ITPR1: variants seen among roughly 807,000 people sequenced by gnomAD.
The protein encoded by ITPR1 is inositol 1,4,5-trisphosphate-gated calcium channel ITPR1.
A neutral mutation model predicts 318.4 loss-of-function variants in ITPR1; 96 were observed. The ratio of observed to expected loss-of-function variants is 0.30; its 90% CI spans 0.26 to 0.36. The LOEUF (loss-of-function observed/expected upper bound fraction) is 0.36. Ranked by LOEUF, ITPR1 falls within the 10% of genes least tolerant of loss-of-function variation. The probability of loss-of-function intolerance (pLI) is 1.00; values close to 1 mark genes in which losing one functional copy is unlikely to be tolerated. For synonymous variants in ITPR1, 1,312 were observed against 1,289.9 expected, an observed-to-expected ratio of 1.02 and a Z score of -0.37; for missense variants, 2,440 against 3,460.2, an observed-to-expected ratio of 0.71 and a Z score of 7.40.
chr3:4,657,469 AT>A lies in ITPR1; in HGVS notation c.997-639del, dbSNP rs61012467. Among the ~76,000 whole-genome samples, 678 of 127,120 alleles carry A rather than the reference AT, an allele frequency of 5.3e-3. 1 individual carries two copies. Among genetic ancestry groups the A allele is most frequent in the African/African-American group, 7.6e-3 (248 of 32,624 alleles). The allele number at this position is 127,120 out of a possible 152,430, so 83.4% of individuals were successfully genotyped here. On this transcript the variant is annotated intron_variant, in intron 12 of 61. Coordinates refer to ENST00000649015, the MANE Select transcript of ITPR1 (RefSeq NM_001378452.1). ...TAGTGTAACTGCACGTTTTTGAAAG[AT>A]TTTTTTTTTTTTTTTGAGACAGAGT...
At position 4,675,147 on chromosome 3, in the gene ITPR1, T is replaced by C; in HGVS notation, c.2678T>C (p.Leu893Pro). 6.2e-7 allele frequency: 1 copy of C among 1,609,772 alleles called. No homozygotes were observed. The highest frequency in any genetic ancestry group is 8.5e-7 in the Non-Finnish European group (1 of 1,176,258). The change falls in exon 23 of 62, where the codon CTG becomes CCG. Residue 893 changes from leucine to proline, a missense_variant. Leu to Pro is a moderately conservative substitution (Grantham distance 98). Transcript: ENST00000649015. The part of the protein sequence containing the change: ...SDLLRLTKIL[L>P]AILDCVHVTT... ...CTTCTACGATTAACTAAGATCCTTCTGGCCATATTGGACTGTGTACATGTG... is the reference window on the plus strand; with the variant it reads ...CTTCTACGATTAACTAAGATCCTTCCGGCCATATTGGACTGTGTACATGTG...
Position 4,733,203 on chromosome 3 carries a change from G to T in ITPR1, c.5336G>T (p.Gly1779Val), listed in dbSNP as rs749571656. 128 of 1,613,860 alleles carry T rather than the reference G, an allele frequency of 7.9e-5. No homozygotes were observed. The highest frequency in any genetic ancestry group is 1.1e-4 in the Non-Finnish European group (126 of 1,179,868). ...GGCCCACTGTCAGCAGGAGGACCCGGCAAGCCCGGGGGAGGAGGTACGCTT... is the reference window on the plus strand; with the variant it reads ...GGCCCACTGTCAGCAGGAGGACCCGTCAAGCCCGGGGGAGGAGGTACGCTT... ...GNGPLSAGGP[G>V]KPGGGGGGSG... The change falls in exon 43 of 62, where the codon GGC becomes GTC. Residue 1779 changes from glycine (G) to valine (V), a missense_variant. Physicochemically the swap from Gly to Val is moderately radical, Grantham distance 109. This residue lies in a region of ITPR1 where 166 missense variants were observed against 143.7 expected (regional missense o/e 1.16). Coordinates refer to ENST00000649015, the MANE Select transcript of ITPR1 (RefSeq NM_001378452.1).
intron 4 of ITPR1, among the ~76,000 whole-genome samples, chr3:4,579,724 A>G (rs537736945): frequency 1.2e-3 from 190 of 152,268 alleles, no homozygotes; most frequent in African/African-American, 4.4e-3. Flanking sequence ...AGAATTGAAA[A>G]TTGGCATTAT....
At chr3:4,637,638 C>A (rs538941382) in intron 5 of ITPR1, among the ~76,000 whole-genome samples, 5 of 152,276 alleles carry the variant, frequency 3.3e-5, no homozygotes, top group African/African-American at 1.2e-4. Context: ...TTTGAATGGG[C>A]TGTTGTTTTA....
chr3:4,765,721 C>T lies in ITPR1; in HGVS notation c.5545-809C>T, dbSNP rs567595956. 1.8e-4 allele frequency among the ~76,000 whole-genome samples: 28 copies of T among 151,936 alleles called. No homozygotes were observed. The South Asian group carries it at 5.0e-3, about 27-fold the overall frequency. On this transcript the variant is annotated intron_variant, in intron 44 of 61. Coordinates refer to ENST00000649015, the MANE Select transcript of ITPR1 (RefSeq NM_001378452.1). ...TTTTTATGTAAATAATTTACAACAG[C>T]GTGGTGTTTGCAAAGGGGTGAAAAG...
At chr3:4,814,872 C>T in intron 58 of ITPR1, 181 bp from the exon 59 acceptor site, 2 of 629,718 alleles carry the variant, frequency 3.2e-6, no homozygotes. Flanking sequence ...TCACACCACA[C>T]TTGGAGAAGT....
intron 61 of ITPR1, among the ~76,000 whole-genome samples, chr3:4,842,310 A>C (rs926731996): frequency 2.0e-5 from 3 of 152,260 alleles, no homozygotes; most frequent in Non-Finnish European, 4.4e-5. Context: ...GAAGAACAGC[A>C]TTACTACAAC....
intron 18 of ITPR1, among the ~76,000 whole-genome samples, chr3:4,669,200 T>C (rs2094018586): frequency 6.6e-6 from 1 of 152,252 alleles, no homozygotes; most frequent in African/African-American, 2.4e-5. Context: ...ACATTATCCT[T>C]TTCTGTAGAC....
rs756745652 is a variant in ITPR1, at chr3:4,663,144, G to A, written c.1492G>A (p.Val498Ile). ...TTCTGGTCAAGATGTTCTCGAAGTT[G>A]TCTTCTCCAAGCCCAACAGAGAACG... Reference protein sequence around the residue: ...TNSGQDVLEVVFSKPNRERQK... With the variant: ...TNSGQDVLEVIFSKPNRERQK... Residue 498 changes from valine (V) to isoleucine (I), a missense_variant, in exon 16 of 62, where the codon GTC becomes ATC. This residue lies in a region of ITPR1 where 478 missense variants were observed against 696.3 expected (regional missense o/e 0.69). Transcript: ENST00000649015. 1.1e-5 allele frequency: 18 copies of A among 1,613,808 alleles called. No individual in the cohort carries two copies. In the East Asian group the frequency reaches 1.6e-4, roughly 14 times the overall value.
At chr3:4,521,319 A>T (rs1404807048) in intron 4 of ITPR1, among the ~76,000 whole-genome samples, 5 of 152,156 alleles carry the variant, frequency 3.3e-5, no homozygotes, top group African/African-American at 1.2e-4. Flanking sequence ...TCTATTGAAT[A>T]TGTGTTGACA....
At chr3:4,644,347 G>A in intron 8 of ITPR1, 113 bp downstream of exon 8, 1 of 687,088 alleles carries the variant, frequency 1.5e-6, no homozygotes, top group East Asian at 2.9e-5. Context: ...GGGGCAGGGT[G>A]CCCATTCTGC....
chr3:4,620,200 A>G (rs1429274815), intron 4 of ITPR1, among the ~76,000 whole-genome samples: 3 of 152,076 alleles, frequency 2.0e-5, no homozygotes, highest in Admixed American at 2.0e-4. Context: ...GCGTTTCACC[A>G]TCCCAGGTGT....
At chr3:4,617,720 A>G (rs2092440456) in intron 4 of ITPR1, among the ~76,000 whole-genome samples, 1 of 152,170 alleles carries the variant, frequency 6.6e-6, no homozygotes, top group South Asian at 2.1e-4. Context: ...TTGGTGGCAC[A>G]TGCCTATAAT....
At chr3:4,659,045 G>T (rs1039959921) in intron 13 of ITPR1, among the ~76,000 whole-genome samples, 1 of 152,188 alleles carries the variant, frequency 6.6e-6, no homozygotes, top group African/African-American at 2.4e-5. Flanking sequence ...ATAAGTCAGT[G>T]AGTCCCGTAG....
intron 45 of ITPR1, 71 bp from the exon 46 acceptor site, chr3:4,768,440 G>T: frequency 3.4e-6 from 5 of 1,476,270 alleles, no homozygotes; most frequent in Non-Finnish European, 4.5e-6. Flanking sequence ...GTTTCTGAGT[G>T]TCACCTTTGG....
In ITPR1 at chr3:4,555,855, G is replaced by A. The variant is rs1249698368; in HGVS notation, c.163+34761G>A. Reference sequence around the variant, plus strand: ...TTAATCCTTGTTACTGCATAAGGAGGCTTGTCTGTCTTATAGATGAAGAAA... The same window carrying A: ...TTAATCCTTGTTACTGCATAAGGAGACTTGTCTGTCTTATAGATGAAGAAA... On this transcript the variant is annotated intron_variant, in intron 4 of 61. Coordinates refer to ENST00000649015, the MANE Select transcript of ITPR1 (RefSeq NM_001378452.1). 2.6e-5 allele frequency among the ~76,000 whole-genome samples: 4 copies of A among 152,164 alleles called. No individual in the cohort carries two copies. In the East Asian group the frequency reaches 7.7e-4, roughly 29 times the overall value.
chr3:4,684,422 T>A (rs2094354833), intron 29 of ITPR1, 76 bp downstream of exon 29: 1 of 1,044,398 alleles, frequency 9.6e-7, no homozygotes, highest in Non-Finnish European at 1.5e-6. Flanking sequence ...ATAGTCAAGT[T>A]GAAGGTACAC....
intron 2 of ITPR1, among the ~76,000 whole-genome samples, chr3:4,502,249 T>A (rs909186752): frequency 6.6e-6 from 1 of 152,146 alleles, no homozygotes; most frequent in African/African-American, 2.4e-5. Context: ...TCCGGGAAGT[T>A]TTTTATGATA....
intron 59 of ITPR1, 142 bp from the exon 60 acceptor site, chr3:4,817,940 C>T (rs2049415556): frequency 8.1e-6 from 5 of 616,990 alleles, no homozygotes. Flanking sequence ...CATGAATGTA[C>T]TTATAAGGCC....
Sources: gnomAD v4.1 joint callset for allele counts (sites outside exome capture counted in the v4.1 genomes callset) on GRCh38, gnomAD v4.1.1 for gene constraint, gnomAD v4.1.1 regional missense constraint, MANE v1.5 for transcripts, NCBI Gene and HGNC (gene_info 2026-07-23, HGNC 2026-07-21) for gene names.